Variants in GIPC2 observed in about 807,000 individuals in gnomAD.
GIPC2 encodes PDZ domain-containing protein GIPC2.
GIPC2 carries 30 observed loss-of-function variants against 30.6 expected under a neutral mutation model. The ratio of observed to expected loss-of-function variants is 0.98; its 90% CI spans 0.73 to 1.33. The LOEUF (loss-of-function observed/expected upper bound fraction) is 1.33. GIPC2 is among the 40% of genes most tolerant of loss of function. The pLI, the probability that GIPC2 is intolerant of heterozygous loss-of-function variation, is 0.00. For synonymous variants in GIPC2, 167 were observed against 150.0 expected (o/e 1.11, Z -0.83); for missense variants, 414 against 390.3 (o/e 1.06, Z -0.51).
At chr1:78,099,100 G>T (rs1662194127) in intron 3 of GIPC2, among the ~76,000 whole-genome samples, 1 of 152,066 alleles carries the variant, frequency 6.6e-6, no homozygotes, top group Non-Finnish European at 1.5e-5. Flanking sequence ...CATTCCTCTG[G>T]CCTTGGGAAG....
chr1:78,087,419 A>G (rs1325675896), intron 2 of GIPC2, among the ~76,000 whole-genome samples: 1 of 152,204 alleles, frequency 6.6e-6, no homozygotes, highest in Non-Finnish European at 1.5e-5. Flanking sequence ...ATGGAACAGA[A>G]TAGAGAGCCC....
At position 78,100,000 on chromosome 1, in the gene GIPC2, A is replaced by G. The variant is rs373673497; in HGVS notation, c.607+4868A>G. 3.3e-5 allele frequency among the ~76,000 whole-genome samples: 5 copies of G among 152,356 alleles called. No homozygotes were observed. The South Asian group carries it at 1.0e-3, about 32-fold the overall frequency. On this transcript the variant is annotated intron_variant, in intron 3 of 5. Transcript: ENST00000370759. Reference sequence around the variant, plus strand: ...TATCAAGGGCCTTATATATGAAGACAAAGACTGGGCAATGAAGAGGCAGAG... The same window carrying G: ...TATCAAGGGCCTTATATATGAAGACGAAGACTGGGCAATGAAGAGGCAGAG...
Position 78,045,993 on chromosome 1 carries a change from C to G in GIPC2, c.-102C>G. 2 of 1,383,852 alleles carry G rather than the reference C, an allele frequency of 1.4e-6. No homozygotes were observed. Among genetic ancestry groups the G allele is most frequent in the South Asian group, 3.4e-5 (2 of 59,022 alleles). The allele number at this position is 1,383,852 out of a possible 1,614,324, so 85.7% of individuals were successfully genotyped here. A position where few individuals can be genotyped will look rare whatever the true frequency, so the allele number is the denominator to read the frequency against. On this transcript the variant is annotated 5_prime_UTR_variant, in exon 1 of 6. Transcript: ENST00000370759. ...GCGGAAGCGCGGCTGCCATTGGAGGCTGCTTTTACCTGCGCGGGGCCCGGG... is the reference window on the plus strand; with the variant it reads ...GCGGAAGCGCGGCTGCCATTGGAGGGTGCTTTTACCTGCGCGGGGCCCGGG...
chr1:78,095,002 G>C lies in GIPC2; in HGVS notation c.477G>C (p.Gly159=). The change falls in exon 3 of 6, where the codon GGG becomes GGC. Residue 159 remains glycine, a synonymous_variant. Coordinates refer to ENST00000370759, the MANE Select transcript of GIPC2 (RefSeq NM_017655.6). ...VIDSVKTICV[G]DHIESINGEN... is the part of the protein sequence containing the mutation. ...ACTCAGTTAAAACAATCTGTGTTGG[G>C]GATCATATTGAATCCATAAATGGAG... The C allele has an allele frequency of 6.2e-7, 1 of 1,605,832 alleles. No individual in the cohort carries two copies. Among genetic ancestry groups the C allele is most frequent in the Non-Finnish European group, 8.5e-7 (1 of 1,172,540 alleles).
At chr1:78,046,707 A>C (rs894927346) in intron 1 of GIPC2, among the ~76,000 whole-genome samples, 1 of 151,718 alleles carries the variant, frequency 6.6e-6, no homozygotes, top group Non-Finnish European at 1.5e-5. Context: ...AATACCCTCC[A>C]CTTCATCTGG....
chr1:78,133,795 T>C (rs1165820979), intron 5 of GIPC2, among the ~76,000 whole-genome samples: 1 of 150,958 alleles, frequency 6.6e-6, no homozygotes, highest in Non-Finnish European at 1.5e-5. Context: ...TGTGTATGTA[T>C]GTATTATGGA....
At chr1:78,055,470 C>T (rs928000080) in intron 1 of GIPC2, among the ~76,000 whole-genome samples, 1 of 152,152 alleles carries the variant, frequency 6.6e-6, no homozygotes, top group East Asian at 1.9e-4. Context: ...CAGGTTAAAG[C>T]AGTAGCTTTA....
At chr1:78,116,279 G>C (rs1203533487) in intron 3 of GIPC2, among the ~76,000 whole-genome samples, 3 of 152,170 alleles carry the variant, frequency 2.0e-5, no homozygotes, top group African/African-American at 7.2e-5. Flanking sequence ...CCCTCCACAT[G>C]TGGGGATTAT....
At chr1:78,060,884 C>T (rs1661379933) in intron 1 of GIPC2, among the ~76,000 whole-genome samples, 1 of 147,666 alleles carries the variant, frequency 6.8e-6, no homozygotes. Flanking sequence ...GGGGGTATAT[C>T]CCCCCACTTT....
rs913261463 is a variant in GIPC2, at chr1:78,112,588, T to C, written c.608-6805T>C. On this transcript the variant is annotated intron_variant, in intron 3 of 5. Coordinates refer to ENST00000370759, the MANE Select transcript of GIPC2 (RefSeq NM_017655.6). ...AACAAGGCCTCGTTCTGTGCGGAAG[T>C]GGGGAGAATATACAGCCTCCCCACT... The C allele has an allele frequency of 7.7e-6, 4 of 516,918 alleles. No individual in the cohort carries two copies. In the Admixed American group the frequency reaches 7.8e-5, roughly 10 times the overall value. The allele number at this position is 516,918 out of a possible 1,614,324, so 32.0% of individuals were successfully genotyped here.
At chr1:78,131,261 C>T (rs1473716822) in intron 5 of GIPC2, among the ~76,000 whole-genome samples, 3 of 151,650 alleles carry the variant, frequency 2.0e-5, no homozygotes, top group Non-Finnish European at 2.9e-5. Context: ...GGCTGGAGTG[C>T]AGTGTGGCGC....
At chr1:78,049,811 C>T (rs1354148030) in intron 1 of GIPC2, among the ~76,000 whole-genome samples, 1 of 151,888 alleles carries the variant, frequency 6.6e-6, no homozygotes, top group Non-Finnish European at 1.5e-5. Context: ...ATTCTGGTTT[C>T]CTGGTTCTAA....
intron 1 of GIPC2, among the ~76,000 whole-genome samples, chr1:78,056,068 C>T (rs1318268747): frequency 6.6e-6 from 1 of 152,170 alleles, no homozygotes; most frequent in African/African-American, 2.4e-5. Context: ...GGGTTCTGTG[C>T]CTATCCTCTA....
intron 3 of GIPC2, among the ~76,000 whole-genome samples, chr1:78,113,686 G>A (rs1662515967): frequency 6.6e-6 from 1 of 152,184 alleles, no homozygotes; most frequent in East Asian, 1.9e-4. Flanking sequence ...ATGGCACCCA[G>A]CCTAAAATTT....
chr1:78,094,721 CTG>C, intron 2 of GIPC2: 1 of 308,408 alleles, frequency 3.2e-6, no homozygotes, highest in Non-Finnish European at 6.0e-6. Context: ...CCATCTCTAA[CTG>C]AGCATCAGAC....
intron 5 of GIPC2, among the ~76,000 whole-genome samples, chr1:78,133,726 A>G (rs1169953252): frequency 3.3e-5 from 5 of 150,870 alleles, no homozygotes; most frequent in African/African-American, 1.2e-4. Flanking sequence ...AAAGATAAAC[A>G]TTGGTTACAC....
chr1:78,100,943 C>T (rs397841904), intron 3 of GIPC2, among the ~76,000 whole-genome samples: 6,826 of 105,398 alleles, frequency 0.065, 317 homozygotes, highest in African/African-American at 0.19. Flanking sequence ...AAAAAAAATA[C>T]ACACACACAC....
intron 3 of GIPC2, among the ~76,000 whole-genome samples, chr1:78,115,319 G>A (rs586333): frequency 0.22 from 33,081 of 152,058 alleles, 4,068 homozygotes; most frequent in East Asian, 0.61. Context: ...GTAAACCAAA[G>A]CACATGTGGT....
intron 2 of GIPC2, chr1:78,089,197 C>A (rs79075889): frequency 3.3e-5 from 5 of 152,082 alleles, no homozygotes; most frequent in African/African-American, 1.2e-4. Flanking sequence ...CATTACAGTG[C>A]GGTGCATAGG....
Sources: allele counts gnomAD v4.1 joint callset (sites outside exome capture counted in the v4.1 genomes callset), GRCh38; gene constraint gnomAD v4.1.1; transcripts MANE v1.5; gene names NCBI Gene and HGNC (gene_info 2026-07-23, HGNC 2026-07-21).